The following PRR16 variants were observed in gnomAD, a reference collection of about 807,000 sequenced individuals.
The protein encoded by PRR16 is protein Largen.
In PRR16, 6 loss-of-function variants were observed where a neutral mutation model predicts 18.2. That is an observed-to-expected ratio of 0.33 (90% CI 0.18 to 0.65). The LOEUF (loss-of-function observed/expected upper bound fraction) is 0.65. Ranked by LOEUF, PRR16 falls within the 30% of genes least tolerant of loss-of-function variation. PRR16 has a pLI of 0.74. For missense variants in PRR16, 412 were observed against 376.6 expected (o/e 1.09, Z -0.78); for synonymous variants, 151 against 147.8 (o/e 1.02, Z -0.16).
the PRR16 span, among the ~76,000 whole-genome samples, chr5:120,723,021 T>A: frequency 6.6e-6 from 1 of 151,892 alleles, no homozygotes; most frequent in Non-Finnish European, 1.5e-5. Flanking sequence ...AATATTAAAA[T>A]TTTTTAATGC....
chr5:120,756,768 T>C, the PRR16 span, among the ~76,000 whole-genome samples: 1 of 152,136 alleles, frequency 6.6e-6, no homozygotes, highest in South Asian at 2.1e-4. Context: ...ATTGATAGTT[T>C]CTTTTGCTGT....
At chr5:120,639,472 A>G (rs1181381281) in intron 1 of PRR16, among the ~76,000 whole-genome samples, 2 of 152,090 alleles carry the variant, frequency 1.3e-5, no homozygotes, top group Admixed American at 1.3e-4. Context: ...ATAAAGACCT[A>G]AAAGAATGGT....
chr5:120,599,812 A>G (rs1046161123), intron 1 of PRR16, among the ~76,000 whole-genome samples: 5 of 151,804 alleles, frequency 3.3e-5, no homozygotes, highest in Non-Finnish European at 7.4e-5. Context: ...TATTGCTGAC[A>G]TAGTCCAACC....
intron 1 of PRR16, among the ~76,000 whole-genome samples, chr5:120,538,021 C>G (rs1229032781): frequency 6.6e-6 from 1 of 151,866 alleles, no homozygotes; most frequent in Non-Finnish European, 1.5e-5. Context: ...CGTGATCCGC[C>G]CGCCTCGGCC....
chr5:120,668,356 G>A (rs1288642630), intron 1 of PRR16, among the ~76,000 whole-genome samples: 23 of 150,356 alleles, frequency 1.5e-4, no homozygotes. Context: ...GTCTCTGCAT[G>A]TGAGATGGGT....
chr5:120,682,122 A>G (rs1328376024), intron 1 of PRR16, among the ~76,000 whole-genome samples: 1 of 152,154 alleles, frequency 6.6e-6, no homozygotes, highest in Non-Finnish European at 1.5e-5. Flanking sequence ...CTCATCTCTC[A>G]CAGTGCCCTT....
At chr5:120,615,881 G>C (rs1477893402) in intron 1 of PRR16, among the ~76,000 whole-genome samples, 2 of 152,064 alleles carry the variant, frequency 1.3e-5, no homozygotes, top group African/African-American at 4.8e-5. Flanking sequence ...TTCCCAGTGA[G>C]AGTTTATTGA....
At chr5:120,754,645 T>TA in the PRR16 span, among the ~76,000 whole-genome samples, 1 of 127,504 alleles carries the variant, frequency 7.8e-6, no homozygotes, top group African/African-American at 3.0e-5. Context: ...TATAAAGTAT[T>TA]TATATATTAT....
chr5:120,723,867 G>A, the PRR16 span, among the ~76,000 whole-genome samples: 4 of 151,386 alleles, frequency 2.6e-5, no homozygotes, highest in African/African-American at 9.7e-5. Flanking sequence ...AATTATTTGA[G>A]GCTATTAATT....
chr5:120,743,180 T>C, the PRR16 span, among the ~76,000 whole-genome samples: 1 of 152,234 alleles, frequency 6.6e-6, no homozygotes, highest in Admixed American at 6.5e-5. Context: ...CTCTGAATAT[T>C]TTCTTCTAAT....
the PRR16 span, among the ~76,000 whole-genome samples, chr5:120,746,530 TTA>T: frequency 7.9e-5 from 12 of 152,182 alleles, no homozygotes; most frequent in Admixed American, 3.3e-4. Context: ...TTTCCATAAT[TTA>T]TCAGTGTTTA....
chr5:120,745,206 C>A, the PRR16 span, among the ~76,000 whole-genome samples: 41 of 150,298 alleles, frequency 2.7e-4, 2 homozygotes, highest in African/African-American at 1.0e-3. Context: ...CTTCTTACTA[C>A]CCCAGAAATC....
At chr5:120,773,165 G>T in the PRR16 span, among the ~76,000 whole-genome samples, 1 of 152,086 alleles carries the variant, frequency 6.6e-6, no homozygotes, top group Non-Finnish European at 1.5e-5. Context: ...CTTACCCAGT[G>T]TCAGTTAAAA....
At chr5:120,598,247 G>A (rs1753875794) in intron 1 of PRR16, among the ~76,000 whole-genome samples, 1 of 151,710 alleles carries the variant, frequency 6.6e-6, no homozygotes, top group African/African-American at 2.4e-5. Context: ...TTACATTAAT[G>A]TAGCAATCCT....
In PRR16 at chr5:120,533,983, T is replaced by C. The variant is rs1477093470; in HGVS notation, c.159+69338T>C. 4.6e-5 allele frequency among the ~76,000 whole-genome samples: 7 copies of C among 152,308 alleles called. No homozygotes were observed. In the South Asian group the frequency reaches 1.4e-3, roughly 32 times the overall value. On this transcript the variant is annotated intron_variant, in intron 1 of 1. Coordinates refer to ENST00000407149, the MANE Select transcript of PRR16 (RefSeq NM_001300783.2). ...CAAGGTGAATTTAAGTTTTGTGGCC[T>C]GAGCATTTTTAGGTGCCTCCATTAA...
the PRR16 span, among the ~76,000 whole-genome samples, chr5:120,789,085 G>A: frequency 2.6e-5 from 4 of 152,012 alleles, no homozygotes; most frequent in African/African-American, 9.6e-5. Context: ...AAAACAGGGG[G>A]TTCTCAGATG....
intron 1 of PRR16, among the ~76,000 whole-genome samples, chr5:120,578,971 T>C (rs750492012): frequency 1.4e-4 from 21 of 152,212 alleles, no homozygotes; most frequent in Non-Finnish European, 2.6e-4. Context: ...TATCTCATTG[T>C]GGTTTTGATT....
intron 1 of PRR16, among the ~76,000 whole-genome samples, chr5:120,554,669 T>C (rs916739443): frequency 7.9e-5 from 12 of 151,918 alleles, no homozygotes; most frequent in African/African-American, 2.9e-4. Context: ...ATTTTGCATA[T>C]AGTATTTCAT....
chr5:120,558,985 GATT>G (rs899615226), intron 1 of PRR16, among the ~76,000 whole-genome samples: 14 of 151,846 alleles, frequency 9.2e-5, no homozygotes, highest in Admixed American at 7.9e-4. Context: ...ATTTTAATTG[GATT>G]ATTATTATTT....
Sources: gnomAD v4.1 joint callset for allele counts (sites outside exome capture counted in the v4.1 genomes callset) on GRCh38, gnomAD v4.1.1 for gene constraint, MANE v1.5 for transcripts, NCBI Gene and HGNC (gene_info 2026-07-23, HGNC 2026-07-21) for gene names.